MYO16: variants seen among roughly 807,000 people sequenced by gnomAD.
MYO16 encodes the protein unconventional myosin-XVI.
MYO16 carries 94 observed loss-of-function variants against 205.3 expected under a neutral mutation model. The observed-to-expected ratio is 0.46, with a 90% CI of 0.39 to 0.54. The LOEUF (loss-of-function observed/expected upper bound fraction) is 0.54, where lower values mean the gene tolerates loss of function less well. MYO16 is among the 20% of genes least tolerant of loss of function. The pLI, the probability that MYO16 is intolerant of heterozygous loss-of-function variation, is 0.00. For missense variants in MYO16, 2,315 were observed against 2,387.5 expected (o/e 0.97, Z 0.63); for synonymous variants, 988 against 954.0 (o/e 1.04, Z -0.66).
intron 1 of MYO16, among the ~76,000 whole-genome samples, chr13:108,613,231 G>T (rs1369704342): frequency 6.6e-6 from 1 of 152,126 alleles, no homozygotes; most frequent in Non-Finnish European, 1.5e-5. Flanking sequence ...TTGTGTGTCT[G>T]GGAAATCTAC....
intron 34 of MYO16, among the ~76,000 whole-genome samples, chr13:109,201,302 G>A (rs1290591650): frequency 1.3e-5 from 2 of 151,810 alleles, no homozygotes; most frequent in Admixed American, 6.6e-5. Flanking sequence ...TTAAGACCTC[G>A]AAACTCTACT....
At chr13:108,608,178 C>T (rs764912580) in intron 1 of MYO16, among the ~76,000 whole-genome samples, 2 of 152,174 alleles carry the variant, frequency 1.3e-5, no homozygotes, top group Admixed American at 6.5e-5. Context: ...TCATTTTAGT[C>T]GTGCACATAG....
chr13:108,631,678 C>T (rs946117694), intron 1 of MYO16, among the ~76,000 whole-genome samples: 3 of 151,942 alleles, frequency 2.0e-5, no homozygotes, highest in Non-Finnish European at 2.9e-5. Context: ...AGAAATGGTG[C>T]GATGTGTTAA....
chr13:109,188,021 C>CAAA (rs1879758799), intron 34 of MYO16, among the ~76,000 whole-genome samples: 1 of 152,154 alleles, frequency 6.6e-6, no homozygotes, highest in African/African-American at 2.4e-5. Flanking sequence ...CATTTGGAAG[C>CAAA]TATATTTGAG....
chr13:108,730,048 C>T (rs1044269409), intron 4 of MYO16, among the ~76,000 whole-genome samples: 9 of 152,162 alleles, frequency 5.9e-5, no homozygotes, highest in African/African-American at 2.2e-4. Flanking sequence ...CATGAAATGA[C>T]TCCCCTTCAG....
At chr13:108,705,962 G>A (rs1163562301) in intron 2 of MYO16, among the ~76,000 whole-genome samples, 1 of 152,042 alleles carries the variant, frequency 6.6e-6, no homozygotes, top group Non-Finnish European at 1.5e-5. Flanking sequence ...TGAACAGGAA[G>A]GAATACAGCC....
At chr13:109,084,693 T>A (rs1888384217) in intron 27 of MYO16, among the ~76,000 whole-genome samples, 1 of 152,086 alleles carries the variant, frequency 6.6e-6, no homozygotes, top group African/African-American at 2.4e-5. Context: ...ATTATTAAAA[T>A]TTTTTCTCCC....
chr13:108,729,549 TTTC>T (rs1285181659), intron 4 of MYO16, among the ~76,000 whole-genome samples: 2 of 152,222 alleles, frequency 1.3e-5, no homozygotes, highest in Non-Finnish European at 2.9e-5. Flanking sequence ...CCCATCCTTA[TTTC>T]TTTTCTCTGA....
At chr13:108,871,582 A>G (rs1159209511) in intron 12 of MYO16, among the ~76,000 whole-genome samples, 1 of 152,102 alleles carries the variant, frequency 6.6e-6, no homozygotes, top group African/African-American at 2.4e-5. Context: ...CTCCCTTCAA[A>G]AAGTTGAGCC....
chr13:108,630,727 C>T (rs1399458071), intron 1 of MYO16, among the ~76,000 whole-genome samples: 1 of 152,076 alleles, frequency 6.6e-6, no homozygotes, highest in African/African-American at 2.4e-5. Flanking sequence ...TGCCAAAGGA[C>T]ATCACAATGT....
intron 27 of MYO16, among the ~76,000 whole-genome samples, chr13:109,070,888 G>A (rs1887902773): frequency 6.6e-6 from 1 of 152,112 alleles, no homozygotes; most frequent in Non-Finnish European, 1.5e-5. Flanking sequence ...GTGATCTCAT[G>A]TTTAGGTGAG....
At chr13:108,896,115 T>C (rs1880401520) in intron 14 of MYO16, among the ~76,000 whole-genome samples, 1 of 152,184 alleles carries the variant, frequency 6.6e-6, no homozygotes, top group South Asian at 2.1e-4. Context: ...GGGAACAAGT[T>C]ATTAATTACC....
At chr13:108,543,505 G>A in the MYO16 span, among the ~76,000 whole-genome samples, 10 of 151,824 alleles carry the variant, frequency 6.6e-5, no homozygotes, top group Non-Finnish European at 1.5e-4. Context: ...AGCCGGGCGT[G>A]GTGGCGGGCG....
the MYO16 span, among the ~76,000 whole-genome samples, chr13:108,511,317 GTTGT>G: frequency 8.5e-6 from 1 of 117,170 alleles, no homozygotes; most frequent in Non-Finnish European, 1.8e-5. Context: ...TTTTGATGGG[GTTGT>G]TTGTTTTTTT....
intron 1 of MYO16, among the ~76,000 whole-genome samples, chr13:108,596,931 G>A (rs1157209760): frequency 6.6e-6 from 1 of 152,162 alleles, no homozygotes; most frequent in African/African-American, 2.4e-5. Flanking sequence ...TTTCAAAACA[G>A]AAGAGCATAA....
chr13:108,506,568 GTGTA>G, the MYO16 span, among the ~76,000 whole-genome samples: 1 of 152,122 alleles, frequency 6.6e-6, no homozygotes, highest in Non-Finnish European at 1.5e-5. Context: ...ACATGTATGT[GTGTA>G]TGTGTGTGTG....
At chr13:109,036,086 A>C (rs1886707177) in intron 23 of MYO16, among the ~76,000 whole-genome samples, 1 of 152,244 alleles carries the variant, frequency 6.6e-6, no homozygotes, top group South Asian at 2.1e-4. Flanking sequence ...TACAAGGCAC[A>C]GCGAGAAAGG....
At chr13:108,644,406 A>G (rs879262107) in intron 1 of MYO16, among the ~76,000 whole-genome samples, 3 of 142,638 alleles carry the variant, frequency 2.1e-5, no homozygotes, top group African/African-American at 5.1e-5. Context: ...CTATCTATCT[A>G]TCTATCTATC....
intron 16 of MYO16, among the ~76,000 whole-genome samples, chr13:108,919,760 G>A (rs1246137064): frequency 3.9e-5 from 6 of 152,176 alleles, no homozygotes; most frequent in African/African-American, 9.7e-5. Flanking sequence ...GTTGGTCTAC[G>A]TCCTTGATTG....
Sources: allele counts gnomAD v4.1 joint callset (sites outside exome capture counted in the v4.1 genomes callset), GRCh38; gene constraint gnomAD v4.1.1; transcripts MANE v1.5; gene names NCBI Gene and HGNC (gene_info 2026-07-23, HGNC 2026-07-21).